RSRP1: variants seen among roughly 807,000 people sequenced by gnomAD.
The protein encoded by RSRP1 is arginine/serine-rich protein 1.
Under a neutral mutation model 33.0 loss-of-function variants are expected in RSRP1, and 37 were observed. The ratio of observed to expected loss-of-function variants is 1.12; its 90% CI spans 0.86 to 1.48. The LOEUF is 1.48. Ranked by LOEUF, RSRP1 falls within the 40% of genes most tolerant of loss-of-function variation. The pLI is 0.00. For synonymous variants in RSRP1, 167 were observed against 158.7 expected (o/e 1.05, Z -0.40); for missense variants, 402 against 385.3 (o/e 1.04, Z -0.36).
chr1:25,309,028 T>C (rs934738312), intron 1 of RSRP1, among the ~76,000 whole-genome samples: 1 of 132,232 alleles, frequency 7.6e-6, no homozygotes, highest in African/African-American at 2.6e-5. Flanking sequence ...CTCTATGTAA[T>C]GGAAAGATGG....
At position 25,300,536 on chromosome 1, in the gene RSRP1, G is replaced by A. The variant is rs1209771798; in HGVS notation, c.-67+37442C>T. On this transcript the variant is annotated intron_variant, in intron 1 of 1. Coordinates refer to the RSRP1 transcript ENST00000561867. ...CAAAAAAAAAAAAAAAAGGCCAGGC[G>A]CAGTGGCTCATGCCTGTAATCCCAG... Among the ~76,000 whole-genome samples the A allele has an allele frequency of 1.8e-4, 23 of 126,782 alleles. 3 individuals carry two copies. Among genetic ancestry groups the A allele is most frequent in the African/African-American group, 6.3e-4 (23 of 36,586 alleles). 83.2% of individuals were successfully genotyped at this position (126,782 alleles called of 152,430 possible).
Position 25,314,758 on chromosome 1 carries a change from C to A in RSRP1, c.-67+23220G>T, listed in dbSNP as rs1383846556. Among the ~76,000 whole-genome samples the A allele has an allele frequency of 1.5e-5, 2 of 132,216 alleles. 1 individual carries two copies. Among genetic ancestry groups the A allele is most frequent in the Non-Finnish European group, 3.6e-5 (2 of 55,758 alleles). The allele number at this position is 132,216 out of a possible 152,430, so 86.7% of individuals were successfully genotyped here. ...TGGCCTCAACTTTGGCCCACCTTGG[C>A]CTCCCAAAGTGCCAGGATTACAGGT... On this transcript the variant is annotated intron_variant, in intron 1 of 1. Transcript: ENST00000561867.
chr1:25,293,917 T>C (rs1642724325), intron 1 of RSRP1, among the ~76,000 whole-genome samples: 1 of 131,758 alleles, frequency 7.6e-6, no homozygotes, highest in African/African-American at 2.6e-5. Flanking sequence ...TTGTGAGTCT[T>C]ATAAGAAGCT....
chr1:25,279,446 A>G (rs962003195), intron 1 of RSRP1, among the ~76,000 whole-genome samples: 3 of 117,322 alleles, frequency 2.6e-5, no homozygotes, highest in Admixed American at 2.5e-4. Context: ...TACGCTATAT[A>G]TGCTGTATAG....
chr1:25,318,684 C>T lies in RSRP1; in HGVS notation c.-67+19294G>A, dbSNP rs766016983. 1.4e-3 allele frequency among the ~76,000 whole-genome samples: 184 copies of T among 132,840 alleles called. 52 individuals carry two copies. The highest frequency in any genetic ancestry group is 3.1e-3 in the Non-Finnish European group (171 of 55,920). 87.1% of individuals were successfully genotyped at this position (132,840 alleles called of 152,430 possible). On this transcript the variant is annotated intron_variant, in intron 1 of 1. Transcript: ENST00000561867. ...TGGTTAGACACCCATATATGTGTCC[C>T]TAAGCAGGAGGTGAATGCCAAATAA...
chr1:25,247,719 G>T (rs1356762875), upstream of RSRP1: 1 of 152,372 alleles, frequency 6.6e-6, no homozygotes, highest in African/African-American at 2.4e-5. Context: ...GACCGACCCA[G>T]TCACCAGAAA....
At chr1:25,314,753 C>G (rs974670888) in intron 1 of RSRP1, among the ~76,000 whole-genome samples, 2 of 131,852 alleles carry the variant, frequency 1.5e-5, no homozygotes, top group African/African-American at 5.2e-5. Context: ...TTTGGCCCAC[C>G]TTGGCCTCCC....
At chr1:25,248,772 A>G (rs918118805), upstream of RSRP1, among the ~76,000 whole-genome samples, 4 of 152,216 alleles carry the variant, frequency 2.6e-5, no homozygotes, top group Non-Finnish European at 1.5e-5. Context: ...TTTCTTCTCT[A>G]AATCTCAAGA....
rs1643093992 is a variant in RSRP1, at chr1:25,298,063, T to C, written c.-67+39915A>G. On this transcript the variant is annotated intron_variant, in intron 1 of 1. Transcript: ENST00000561867. Reference sequence around the variant, plus strand: ...CCATCCACCTCCACTTGTTCCTGCATTTCTATGTCCCAGATCCTGCAGAAA... The same window carrying C: ...CCATCCACCTCCACTTGTTCCTGCACTTCTATGTCCCAGATCCTGCAGAAA... Among the ~76,000 whole-genome samples, 2 of 122,628 alleles carry C rather than the reference T, an allele frequency of 1.6e-5. 1 individual carries two copies. Among genetic ancestry groups the C allele is most frequent in the Non-Finnish European group, 3.9e-5 (2 of 51,712 alleles). The allele number at this position is 122,628 out of a possible 152,430, so 80.4% of individuals were successfully genotyped here.
At position 25,246,655 on chromosome 1, in the gene RSRP1, T is replaced by A. The variant is rs1639437542; in HGVS notation, c.309A>T (p.Arg103Ser). ...GGTACCGCGAAGGAGACCGGTAGTA[T>A]CTCCTGGTGAACCCGTAGCGCCTCT... is the stretch of plus-strand genomic sequence containing the variant. ...YRERRYGFTR[R>S]YYRSPSRYRS... The change falls in exon 2 of 5, where the codon AGA (arginine) becomes AGT (serine). Residue 103 changes from arginine (R) to serine (S), a missense_variant. Arg to Ser is a moderately radical substitution (Grantham distance 110, BLOSUM62 -1). Coordinates refer to ENST00000243189, the MANE Select transcript of RSRP1 (RefSeq NM_020317.5). The A allele has an allele frequency of 2.5e-6, 4 of 1,613,692 alleles. No individual in the cohort carries two copies. The highest frequency in any genetic ancestry group is 3.4e-6 in the Non-Finnish European group (4 of 1,179,888).
At chr1:25,273,130 C>G (rs1349589929) in intron 1 of RSRP1, among the ~76,000 whole-genome samples, 1 of 129,748 alleles carries the variant, frequency 7.7e-6, no homozygotes, top group East Asian at 2.0e-4. Context: ...TTTGTGGCCT[C>G]TCGCTCATTT....
upstream of RSRP1, among the ~76,000 whole-genome samples, chr1:25,249,678 A>G (rs1426751825): frequency 6.6e-6 from 1 of 152,204 alleles, no homozygotes; most frequent in Non-Finnish European, 1.5e-5. Flanking sequence ...AAACAGTGGG[A>G]AACATTACTT....
chr1:25,287,478 C>A (rs964827800), intron 1 of RSRP1, among the ~76,000 whole-genome samples: 4 of 135,094 alleles, frequency 3.0e-5, no homozygotes, highest in Non-Finnish European at 7.0e-5. Flanking sequence ...GACCGGTTCC[C>A]GTCAGGGCTG....
chr1:25,321,674 T>TAAATAAAAA (rs1644714675), intron 1 of RSRP1, among the ~76,000 whole-genome samples: 1 of 91,228 alleles, frequency 1.1e-5, no homozygotes, highest in African/African-American at 3.3e-5. Context: ...TGTCTCAAAA[T>TAAATAAAAA]AAATAAAATA....
chr1:25,282,485 A>G lies in RSRP1; in HGVS notation c.-66-35456T>C, dbSNP rs556618360. On this transcript the variant is annotated intron_variant, in intron 1 of 1. Transcript: ENST00000561867. ...GCTGACTTCATGATCTGCCCACCTC[A>G]TCCTCCTAAATTGGTATCTTTATAT... 2.5e-4 allele frequency among the ~76,000 whole-genome samples: 33 copies of G among 131,666 alleles called. 2 individuals are homozygous for G. The East Asian group carries it at 5.7e-3, about 23-fold the overall frequency. The allele number at this position is 131,666 out of a possible 152,430, so 86.4% of individuals were successfully genotyped here. A position where few individuals can be genotyped will look rare whatever the true frequency, so the allele number is the denominator to read the frequency against.
intron 3 of RSRP1, chr1:25,244,601 A>G (rs1245506643): frequency 7.9e-7 from 1 of 1,267,540 alleles, no homozygotes; most frequent in Non-Finnish European, 1.0e-6. Flanking sequence ...CTCTGTAAAT[A>G]GCTTAGAAAA....
intron 1 of RSRP1, among the ~76,000 whole-genome samples, chr1:25,312,803 C>T (rs1644216063): frequency 8.5e-6 from 1 of 118,200 alleles, no homozygotes; most frequent in East Asian, 2.0e-4. Context: ...ATCTGTAGTC[C>T]TAGCTACTCA....
rs1306043534 is a variant in RSRP1, at chr1:25,282,122, C to T, written c.-66-35093G>A. ...ACTAAACATTATTTCCTTTGGATTTCCCAGAAACCTCTCAGGTGGGTCTAA... is the reference window on the plus strand; with the variant it reads ...ACTAAACATTATTTCCTTTGGATTTTCCAGAAACCTCTCAGGTGGGTCTAA... On this transcript the variant is annotated intron_variant, in intron 1 of 1. Transcript: ENST00000561867. Among the ~76,000 whole-genome samples the T allele has an allele frequency of 1.7e-4, 23 of 132,382 alleles. 5 individuals carry two copies. The highest frequency in any genetic ancestry group is 5.4e-5 in the Non-Finnish European group (3 of 55,836). 86.8% of individuals were successfully genotyped at this position (132,382 alleles called of 152,430 possible). A position where few individuals can be genotyped will look rare whatever the true frequency, so the allele number is the denominator to read the frequency against.
At chr1:25,244,690 A>G (rs1325846594) in intron 3 of RSRP1, 4 of 1,193,424 alleles carry the variant, frequency 3.4e-6, no homozygotes, top group African/African-American at 3.2e-5. Context: ...TGAAAAAAAT[A>G]AATGTATTTT....
Sources: gnomAD v4.1 joint callset for allele counts (sites outside exome capture counted in the v4.1 genomes callset) on GRCh38, gnomAD v4.1.1 for gene constraint, MANE v1.5 for transcripts, NCBI Gene and HGNC (gene_info 2026-07-23, HGNC 2026-07-21) for gene names.